The following ZNF541 variants were observed in gnomAD, a reference collection of about 807,000 sequenced individuals.
ZNF541 encodes zinc finger protein 541.
ZNF541 carries 23 observed loss-of-function variants against 123.5 expected under a neutral mutation model. The observed-to-expected ratio is 0.19, with a 90% CI of 0.13 to 0.26. ZNF541 has a LOEUF of 0.26. Among genes scored for constraint, ZNF541 ranks in the 10% least tolerant of loss-of-function variants. ZNF541 has a pLI of 1.00. For missense variants in ZNF541, 1,612 were observed against 1,789.9 expected (o/e 0.90, Z 1.79); for synonymous variants, 751 against 754.5 (o/e 1.00, Z 0.08).
chr19:47,569,538 C>T (rs1240517821), intron 2 of ZNF541, among the ~76,000 whole-genome samples: 1 of 152,068 alleles, frequency 6.6e-6, no homozygotes, highest in Non-Finnish European at 1.5e-5. Context: ...CTGCTTCACA[C>T]TCGTGCCTAC....
At chr19:47,526,463 CA>C (rs1272473321) in intron 14 of ZNF541, among the ~76,000 whole-genome samples, 2 of 124,438 alleles carry the variant, frequency 1.6e-5, no homozygotes, top group Non-Finnish European at 3.1e-5. Context: ...GCCTGGGCAA[CA>C]GAGTGAGACT....
At chr19:47,568,674 A>G (rs550573228) in intron 2 of ZNF541, among the ~76,000 whole-genome samples, 8 of 150,570 alleles carry the variant, frequency 5.3e-5, no homozygotes, top group East Asian at 2.0e-4. Flanking sequence ...TCCTACTCCA[A>G]TTTTTTTTGT....
At chr19:47,567,997 TC>T (rs1971332879) in intron 2 of ZNF541, among the ~76,000 whole-genome samples, 3 of 152,344 alleles carry the variant, frequency 2.0e-5, no homozygotes, top group Admixed American at 2.0e-4. Flanking sequence ...TTTAAAGTTC[TC>T]CCATTTTCTC....
At chr19:47,523,101 T>A (rs1006643185) in intron 14 of ZNF541, among the ~76,000 whole-genome samples, 4 of 150,964 alleles carry the variant, frequency 2.6e-5, no homozygotes, top group African/African-American at 9.8e-5. Flanking sequence ...TTTTTTTTTT[T>A]CACTGCAACC....
intron 14 of ZNF541, among the ~76,000 whole-genome samples, chr19:47,524,246 T>A (rs1481942665): frequency 6.6e-6 from 1 of 152,224 alleles, no homozygotes; most frequent in East Asian, 1.9e-4. Flanking sequence ...ACATTCACAA[T>A]GCCCGTGATC....
intron 12 of ZNF541, 86 bp from the exon 13 acceptor site, chr19:47,529,738 G>C: frequency 7.6e-7 from 1 of 1,319,310 alleles, no homozygotes; most frequent in Non-Finnish European, 1.1e-6. Flanking sequence ...AAAAACACTT[G>C]CGGCTGTCCC....
chr19:47,563,847 C>T (rs1259070008), intron 2 of ZNF541, among the ~76,000 whole-genome samples: 1 of 152,092 alleles, frequency 6.6e-6, no homozygotes, highest in African/African-American at 2.4e-5. Flanking sequence ...CTCAGGTGAT[C>T]CACCCGCCTC....
chr19:47,540,764 A>T, intron 6 of ZNF541, 129 bp downstream of exon 6: 1 of 914,130 alleles, frequency 1.1e-6, no homozygotes. Flanking sequence ...AAACCCTATA[A>T]AATGGAGGCT....
At chr19:47,525,424 T>C (rs1286327265) in intron 14 of ZNF541, among the ~76,000 whole-genome samples, 5 of 152,192 alleles carry the variant, frequency 3.3e-5, no homozygotes, top group African/African-American at 4.8e-5. Context: ...AAAGTTCATA[T>C]GGTAATACAT....
chr19:47,535,143 C>A (rs1472668091), intron 9 of ZNF541, among the ~76,000 whole-genome samples: 1 of 152,070 alleles, frequency 6.6e-6, no homozygotes, highest in Non-Finnish European at 1.5e-5. Context: ...TTAGTAGAGA[C>A]GGGATTTCAC....
At chr19:47,553,033 C>A (rs183027739) in intron 3 of ZNF541, among the ~76,000 whole-genome samples, 3 of 151,332 alleles carry the variant, frequency 2.0e-5, no homozygotes, top group Non-Finnish European at 4.4e-5. Flanking sequence ...CGCCTGAACC[C>A]GGGAGGTGGA....
At position 47,546,000 on chromosome 19, in the gene ZNF541, G is replaced by A. The variant is rs1970340830; in HGVS notation, c.549-20C>T. ...CCGGTCCTGGAGCCAGACACAAGCA[G>A]GGGCGTCACCGGGGCACCTGGGACC... On this transcript the variant is annotated intron_variant, in intron 4 of 16. Coordinates refer to ENST00000391901, the MANE Select transcript of ZNF541 (RefSeq NM_001277075.3). The surrounding 1 kb of genome is among the most constrained non-coding windows in gnomAD (Gnocchi z 7.5). The A allele has an allele frequency of 2.8e-6, 4 of 1,446,516 alleles. No individual in the cohort carries two copies. The highest frequency in any genetic ancestry group is 2.9e-5 in the African/African-American group (2 of 69,940). 89.6% of individuals were successfully genotyped at this position (1,446,516 alleles called of 1,614,324 possible).
chr19:47,554,334 G>C (rs1970725832), intron 3 of ZNF541, among the ~76,000 whole-genome samples: 1 of 152,206 alleles, frequency 6.6e-6, no homozygotes, highest in Admixed American at 6.5e-5. Flanking sequence ...AGGAGGCTGA[G>C]GCGGGAGAAT....
chr19:47,524,565 G>A (rs1056209487), intron 14 of ZNF541, among the ~76,000 whole-genome samples: 16 of 152,040 alleles, frequency 1.1e-4, no homozygotes, highest in East Asian at 1.9e-4. Context: ...AAATTTAGCC[G>A]GGTGTGGTGG....
chr19:47,538,632 C>A, intron 8 of ZNF541, 193 bp from the exon 9 acceptor site: 1 of 565,992 alleles, frequency 1.8e-6, no homozygotes, highest in Non-Finnish European at 3.0e-6. Flanking sequence ...CGGCTGCAGC[C>A]TTCTCCTGCA....
At position 47,557,322 on chromosome 19, in the gene ZNF541, A is replaced by G. The variant is rs116805359; in HGVS notation, c.-98-1368T>C. On this transcript the variant is annotated intron_variant, in intron 2 of 16. Transcript: ENST00000391901. ...ATCCACAGGAAAACTAAATAAATGAAAAGAAAAGCTTCACACAAGCCTAGA... is the reference window on the plus strand; with the variant it reads ...ATCCACAGGAAAACTAAATAAATGAGAAGAAAAGCTTCACACAAGCCTAGA... Among the ~76,000 whole-genome samples, 958 of 152,254 alleles carry G rather than the reference A, an allele frequency of 6.3e-3. 11 individuals carry two copies. Among genetic ancestry groups the G allele is most frequent in the African/African-American group, 0.021 (893 of 41,544 alleles).
At chr19:47,560,467 T>C (rs1283243525) in intron 2 of ZNF541, among the ~76,000 whole-genome samples, 1 of 151,558 alleles carries the variant, frequency 6.6e-6, no homozygotes, top group Admixed American at 6.6e-5. Context: ...TCCCAGCTGC[T>C]TGGGAGGCTG....
chr19:47,567,412 T>C (rs1410452510), intron 2 of ZNF541, among the ~76,000 whole-genome samples: 1 of 152,122 alleles, frequency 6.6e-6, no homozygotes, highest in Admixed American at 6.6e-5. Context: ...GCGCCCGCCA[T>C]CATGCCCAGC....
At position 47,540,180 on chromosome 19, in the gene ZNF541, G is replaced by A. The variant is rs745321719; in HGVS notation, c.2618C>T (p.Pro873Leu). The stretch of plus-strand genomic sequence containing the variant: ...CCACTGGTCGTCCCCCTTCACCTGC[G>A]GTTCCTGCTTCCCTCGAGGTGACGG... ...QWPSPRGKQE[P>L]QVFGTEFCKP... The change falls in exon 7 of 17, where the codon CCG becomes CTG. Residue 873 changes from proline to leucine, a missense_variant. Transcript: ENST00000391901. 23 of 1,550,290 alleles carry A rather than the reference G, an allele frequency of 1.5e-5. No individual in the cohort carries two copies. In the Admixed American group the frequency reaches 1.6e-4, roughly 11 times the overall value.
Sources: gnomAD v4.1 joint callset for allele counts (sites outside exome capture counted in the v4.1 genomes callset) on GRCh38, gnomAD v4.1.1 for gene constraint, Gnocchi (gnomAD v3.1) non-coding constraint, MANE v1.5 for transcripts, NCBI Gene and HGNC (gene_info 2026-07-23, HGNC 2026-07-21) for gene names.